CUBN: variants seen among roughly 807,000 people sequenced by gnomAD.
CUBN encodes 460 kDa receptor.
In CUBN, 282 loss-of-function variants were observed where a neutral mutation model predicts 405.3. That is an observed-to-expected ratio of 0.70 (90% confidence interval 0.63 to 0.77). CUBN has a LOEUF of 0.77. Among genes scored for constraint, CUBN ranks in the 30% least tolerant of loss-of-function variants. The pLI is 0.00. For missense variants in CUBN, 4,514 were observed against 4,475.2 expected (o/e 1.01, Z -0.25); for synonymous variants, 1,684 against 1,617.0 (o/e 1.04, Z -0.99).
chr10:16,974,173 T>A (rs1012671912), intron 31 of CUBN, among the ~76,000 whole-genome samples: 2 of 152,172 alleles, frequency 1.3e-5, no homozygotes, highest in Non-Finnish European at 2.9e-5. Flanking sequence ...CCTCTTATTA[T>A]CCCCATTTCC....
chr10:16,833,344 G>A (rs1233716185), intron 64 of CUBN, among the ~76,000 whole-genome samples: 2 of 152,152 alleles, frequency 1.3e-5, no homozygotes, highest in Non-Finnish European at 2.9e-5. Flanking sequence ...TTTCCTCCCT[G>A]CTATATACAT....
At chr10:16,957,555 A>G (rs1843100886) in intron 31 of CUBN, among the ~76,000 whole-genome samples, 1 of 152,220 alleles carries the variant, frequency 6.6e-6, no homozygotes. Context: ...GTGAAATACC[A>G]CTTAATCCCA....
In CUBN at chr10:16,937,771, G is replaced by A. The variant is rs759124711; in HGVS notation, c.5747C>T (p.Pro1916Leu). 1 of 1,613,682 alleles carries A rather than the reference G, an allele frequency of 6.2e-7. No homozygotes were observed. Among genetic ancestry groups the A allele is most frequent in the African/African-American group, 1.3e-5 (1 of 74,856 alleles). Residue 1916 changes from proline to leucine, a missense_variant, in exon 39 of 67, where the codon CCT becomes CTT. Pro to Leu is a moderately conservative substitution (Grantham distance 98, BLOSUM62 -3). Coordinates refer to ENST00000377833, the MANE Select transcript of CUBN (RefSeq NM_001081.4). Reference sequence around the variant, plus strand: ...TCCAATTAGGCGGGCGTGAATGCTAGGCCCATCATAGATCTGTACATAAAA... The same window carrying A: ...TCCAATTAGGCGGGCGTGAATGCTAAGCCCATCATAGATCTGTACATAAAA... Reference protein sequence around the residue: ...YYDKLRIYDGPSIHARLIGAY... With the variant: ...YYDKLRIYDGLSIHARLIGAY...
rs544343819 is a variant in CUBN at position 16,904,266 on chromosome 10, T to G, written c.7913-151A>C. 8.5e-5 allele frequency: 66 copies of G among 777,868 alleles called. No individual in the cohort carries two copies. The African/African-American group carries it at 9.5e-4, about 11-fold the overall frequency. The allele number at this position is 777,868 out of a possible 1,614,324, so 48.2% of individuals were successfully genotyped here. ...ACATTGCACAATATTTGTGTGTCTC[T>G]GTTAACTGCAACAGAAAGTCCCTCC... On this transcript the variant is annotated intron_variant, in intron 50 of 66. Transcript: ENST00000377833.
At chr10:17,122,613 T>G (rs1837069208) in intron 6 of CUBN, 182 bp downstream of exon 6, 1 of 643,384 alleles carries the variant, frequency 1.6e-6, no homozygotes, top group Non-Finnish European at 2.9e-6. Context: ...AAAGGACTCA[T>G]GAGCTTTTCT....
intron 62 of CUBN, among the ~76,000 whole-genome samples, chr10:16,837,935 G>A (rs920596127): frequency 9.9e-5 from 15 of 152,082 alleles, no homozygotes; most frequent in African/African-American, 3.1e-4. Flanking sequence ...TCTGTGCCCC[G>A]CTGAGTGGTC....
chr10:17,010,175 G>T lies in CUBN; in HGVS notation c.4168+9658C>A, dbSNP rs146643255. 2.8e-3 allele frequency among the ~76,000 whole-genome samples: 432 copies of T among 152,320 alleles called. 3 individuals carry two copies. The highest frequency in any genetic ancestry group is 9.5e-3 in the African/African-American group (394 of 41,574). ...TGCTCTGGAGAATGCCCCAGCCCTT[G>T]AAATTCTGGGCCATTTCCCAGGATT... On this transcript the variant is annotated intron_variant, in intron 28 of 66. Transcript: ENST00000377833.
At chr10:16,947,660 A>G (rs1288289034) in intron 35 of CUBN, among the ~76,000 whole-genome samples, 5 of 152,218 alleles carry the variant, frequency 3.3e-5, no homozygotes, top group African/African-American at 9.6e-5. Flanking sequence ...ACCATCCTAC[A>G]GCCACTTGGC....
At position 16,975,172 on chromosome 10, in the gene CUBN, T is replaced by C. The variant is rs1446646766; in HGVS notation, c.4695+7312A>G. 5.9e-5 allele frequency among the ~76,000 whole-genome samples: 9 copies of C among 152,340 alleles called. No homozygotes were observed. The East Asian group carries it at 9.6e-4, about 16-fold the overall frequency. On this transcript the variant is annotated intron_variant, in intron 31 of 66. Coordinates refer to ENST00000377833, the MANE Select transcript of CUBN (RefSeq NM_001081.4). ...TCTGACAACTTGTTTGGACTATTAT[T>C]ACATTTTATATTTTGCCTTACCTAC...
intron 40 of CUBN, 50 bp downstream of exon 40, chr10:16,933,037 A>T: frequency 1.9e-6 from 3 of 1,571,868 alleles, no homozygotes; most frequent in Non-Finnish European, 2.6e-6. Context: ...ATGGACTAGA[A>T]CTAATTATGT....
At chr10:17,120,646 T>C (rs997839744) in intron 6 of CUBN, among the ~76,000 whole-genome samples, 3 of 151,016 alleles carry the variant, frequency 2.0e-5, no homozygotes, top group Non-Finnish European at 4.4e-5. Flanking sequence ...CATTCTGTCA[T>C]ATGTGTGTGT....
At chr10:17,057,455 T>C (rs1425657886) in intron 22 of CUBN, among the ~76,000 whole-genome samples, 1 of 152,108 alleles carries the variant, frequency 6.6e-6, no homozygotes, top group African/African-American at 2.4e-5. Context: ...TGGTCTGGTG[T>C]GGAGCCCCAA....
At chr10:17,116,290 C>T (rs1481740374) in intron 6 of CUBN, among the ~76,000 whole-genome samples, 2 of 152,138 alleles carry the variant, frequency 1.3e-5, no homozygotes, top group Non-Finnish European at 2.9e-5. Flanking sequence ...TGTTTTAAGC[C>T]CTTGTCATTG....
In CUBN at chr10:16,947,260, CA is replaced by C. The variant is rs1441603299; in HGVS notation, c.5316del (p.Gly1773AlafsTer76). On this transcript the variant is annotated frameshift_variant, in exon 36 of 67. Transcript: ENST00000377833. LOFTEE classifies it high-confidence loss of function. ...VECVWNIVSS[P>X]GNRLQLSFIS... ...ATAAAAGACAGCTGGAGCCGGTTGCCAGGGGAACTGACGATGTTCCAGACAC... is the reference window on the plus strand; with the variant it reads ...ATAAAAGACAGCTGGAGCCGGTTGCCGGGGAACTGACGATGTTCCAGACAC... The C allele has an allele frequency of 6.2e-7, 1 of 1,613,978 alleles. No homozygotes were observed. Among genetic ancestry groups the C allele is most frequent in the African/African-American group, 1.3e-5 (1 of 74,906 alleles).
At chr10:16,948,822 T>C (rs1462837490) in intron 34 of CUBN, among the ~76,000 whole-genome samples, 1 of 152,146 alleles carries the variant, frequency 6.6e-6, no homozygotes, top group East Asian at 1.9e-4. Context: ...AGGTGATTTA[T>C]AAACATGATC....
At position 16,954,660 on chromosome 10, in the gene CUBN, A is replaced by G. The variant is rs536052434; in HGVS notation, c.4696-112T>C. On this transcript the variant is annotated intron_variant, in intron 31 of 66. Transcript: ENST00000377833. The stretch of plus-strand genomic sequence containing the variant: ...TAGTGGATAATCACACGTTTGCTGG[A>G]TCTAGGGAAACTGGCTTTATTGTCC... 7.6e-6 allele frequency: 9 copies of G among 1,177,558 alleles called. No individual in the cohort carries two copies. The African/African-American group carries it at 1.2e-4, about 16-fold the overall frequency. The allele number at this position is 1,177,558 out of a possible 1,614,324, so 72.9% of individuals were successfully genotyped here.
chr10:17,105,703 G>C (rs1836613342), intron 10 of CUBN, 128 bp from the exon 11 acceptor site: 1 of 686,656 alleles, frequency 1.5e-6, no homozygotes, highest in African/African-American at 1.8e-5. Context: ...TTGACGGGCA[G>C]ACAAAACAAG....
At chr10:17,113,520 A>C (rs1297664253) in intron 8 of CUBN, among the ~76,000 whole-genome samples, 1 of 152,172 alleles carries the variant, frequency 6.6e-6, no homozygotes, top group Non-Finnish European at 1.5e-5. Context: ...AACGGAGCCC[A>C]TGTTTTCCAT....
intron 22 of CUBN, among the ~76,000 whole-genome samples, chr10:17,052,043 T>C (rs978498343): frequency 2.7e-5 from 4 of 147,012 alleles, no homozygotes; most frequent in African/African-American, 8.0e-5. Flanking sequence ...CAGAAGCCAG[T>C]TGGGGCGGGG....
Sources: gnomAD v4.1 joint callset for allele counts (sites outside exome capture counted in the v4.1 genomes callset) on GRCh38, gnomAD v4.1.1 for gene constraint, MANE v1.5 for transcripts, NCBI Gene and HGNC (gene_info 2026-07-23, HGNC 2026-07-21) for gene names.